The following USP34 variants were observed in gnomAD, a reference collection of about 807,000 sequenced individuals.
USP34 encodes ubiquitin specific peptidase 34.
In USP34, 70 loss-of-function variants were observed where a neutral mutation model predicts 460.3. That is an observed-to-expected ratio of 0.15 (90% CI 0.13 to 0.19). The LOEUF (loss-of-function observed/expected upper bound fraction) is 0.19. USP34 is among the 10% of genes least tolerant of loss of function. USP34 has a pLI of 1.00. For missense variants in USP34, 3,985 were observed against 4,236.2 expected, an observed-to-expected ratio of 0.94 and a Z score of 1.65; for synonymous variants, 1,647 against 1,405.3, an observed-to-expected ratio of 1.17 and a Z score of -3.85.
intron 49 of USP34, 86 bp from the exon 50 acceptor site, chr2:61,246,563 T>C: frequency 8.0e-6 from 7 of 872,960 alleles, no homozygotes; most frequent in Non-Finnish European, 1.1e-5. Flanking sequence ...ACTTTATCAA[T>C]TACAATATTT....
chr2:61,341,156 T>C (rs190744942), intron 16 of USP34, among the ~76,000 whole-genome samples: 106 of 152,354 alleles, frequency 7.0e-4, no homozygotes, highest in East Asian at 5.0e-3. Context: ...ATCCATGATG[T>C]TGGATGTGTC....
At chr2:61,296,979 T>G in intron 29 of USP34, 54 bp from the exon 30 acceptor site, 6 of 1,531,034 alleles carry the variant, frequency 3.9e-6, no homozygotes, top group Non-Finnish European at 5.3e-6. Context: ...AGAAAAAGTT[T>G]TAAGTTCAAA....
intron 75 of USP34, among the ~76,000 whole-genome samples, chr2:61,199,569 T>G (rs971864050): frequency 3.9e-5 from 6 of 152,338 alleles, no homozygotes; most frequent in African/African-American, 1.2e-4. Context: ...AATGAAGTCT[T>G]TAATCCTCCT....
At chr2:61,391,870 G>A (rs1693357291) in intron 5 of USP34, among the ~76,000 whole-genome samples, 1 of 152,088 alleles carries the variant, frequency 6.6e-6, no homozygotes, top group South Asian at 2.1e-4. Context: ...ATAAGGAAAA[G>A]ATGCCTATTA....
intron 2 of USP34, among the ~76,000 whole-genome samples, chr2:61,407,039 T>C (rs570115687): frequency 4.6e-5 from 7 of 152,096 alleles, no homozygotes; most frequent in African/African-American, 1.7e-4. Flanking sequence ...ACAAATCCAG[T>C]TCTCCTTAGA....
chr2:61,294,172 C>T (rs1231634909), intron 32 of USP34, among the ~76,000 whole-genome samples: 6 of 151,886 alleles, frequency 4.0e-5, no homozygotes, highest in South Asian at 2.1e-4. Flanking sequence ...GGTGAAACCC[C>T]GTCTCTATTA....
intron 1 of USP34, among the ~76,000 whole-genome samples, chr2:61,442,284 G>C (rs1328859432): frequency 6.6e-6 from 1 of 151,562 alleles, no homozygotes; most frequent in Admixed American, 6.6e-5. Context: ...CTTCTGTATA[G>C]CAAAGGCAAA....
At chr2:61,229,448 C>A in intron 59 of USP34, 100 bp downstream of exon 59, 1 of 823,622 alleles carries the variant, frequency 1.2e-6, no homozygotes, top group Non-Finnish European at 1.8e-6. Flanking sequence ...ATGAAGAAAC[C>A]CTATCTCTTA....
intron 30 of USP34, among the ~76,000 whole-genome samples, chr2:61,296,547 A>G (rs928383929): frequency 1.3e-5 from 2 of 152,256 alleles, no homozygotes; most frequent in African/African-American, 4.8e-5. Context: ...AAAAAACACT[A>G]ATATAAAATG....
At chr2:61,338,076 C>A (rs1691480730) in intron 18 of USP34, among the ~76,000 whole-genome samples, 1 of 152,190 alleles carries the variant, frequency 6.6e-6, no homozygotes, top group Admixed American at 6.5e-5. Flanking sequence ...AATCCCAGCA[C>A]TTTGAGAAGC....
intron 1 of USP34, among the ~76,000 whole-genome samples, chr2:61,428,038 G>A (rs1014127332): frequency 2.0e-5 from 3 of 151,680 alleles, no homozygotes; most frequent in Admixed American, 6.6e-5. Context: ...GGTGGCGTGT[G>A]CCTGTAGTCC....
At chr2:61,265,759 T>C in intron 42 of USP34, 1 of 696,758 alleles carries the variant, frequency 1.4e-6, no homozygotes. Context: ...AACTTGATTT[T>C]ACTTGGCCCC....
chr2:61,421,707 A>G (rs1694362114), intron 1 of USP34, among the ~76,000 whole-genome samples: 1 of 152,220 alleles, frequency 6.6e-6, no homozygotes, highest in Non-Finnish European at 1.5e-5. Flanking sequence ...CCTATGAAGC[A>G]GTAATATGTC....
chr2:61,301,113 T>C lies in USP34; in HGVS notation c.3966A>G (p.Glu1322=). ...LGAPRRERKG[E]GVQLPASCLP... is the part of the protein sequence containing the mutation. ...GGCAAGATGCTGGCAGCTGAACACC[T>C]TCCCCTTTCCGCTCTCTCCTTGGTG... The change falls in exon 29 of 80, where the codon GAA becomes GAG. Residue 1322 remains glutamate (E), a synonymous_variant. Transcript: ENST00000398571. 2 of 1,614,072 alleles carry C rather than the reference T, an allele frequency of 1.2e-6. No homozygotes were observed. Among genetic ancestry groups the C allele is most frequent in the East Asian group, 2.2e-5 (1 of 44,864 alleles).
intron 1 of USP34, among the ~76,000 whole-genome samples, chr2:61,439,807 C>G (rs1362430483): frequency 6.6e-6 from 1 of 152,176 alleles, no homozygotes; most frequent in East Asian, 1.9e-4. Flanking sequence ...TACCCTGTCA[C>G]TATGTGGGTC....
At chr2:61,201,824 A>G (rs1222538728) in intron 75 of USP34, among the ~76,000 whole-genome samples, 1 of 152,178 alleles carries the variant, frequency 6.6e-6, no homozygotes, top group Non-Finnish European at 1.5e-5. Context: ...ATTACCAAAA[A>G]TTTTTTAAAA....
intron 5 of USP34, among the ~76,000 whole-genome samples, chr2:61,390,368 C>T (rs1313276440): frequency 2.6e-5 from 4 of 152,218 alleles, no homozygotes; most frequent in African/African-American, 4.8e-5. Flanking sequence ...ATTTGGGTCT[C>T]AGTGGAGAAA....
intron 68 of USP34, 73 bp downstream of exon 68, chr2:61,213,987 T>G (rs908717771): frequency 1.7e-5 from 27 of 1,570,724 alleles, no homozygotes; most frequent in Non-Finnish European, 2.3e-5. Flanking sequence ...CTGCCACCAC[T>G]TCCCACCAGG....
At chr2:61,353,365 A>G (rs1342076427) in intron 10 of USP34, among the ~76,000 whole-genome samples, 1 of 151,904 alleles carries the variant, frequency 6.6e-6, no homozygotes, top group Non-Finnish European at 1.5e-5. Flanking sequence ...ATATACCTGA[A>G]GTCCACCTGT....
Sources: gnomAD v4.1 joint callset for allele counts (sites outside exome capture counted in the v4.1 genomes callset) on GRCh38, gnomAD v4.1.1 for gene constraint, MANE v1.5 for transcripts, NCBI Gene and HGNC (gene_info 2026-07-23, HGNC 2026-07-21) for gene names.